TNS1: variants seen among roughly 807,000 people sequenced by gnomAD.
TNS1 encodes tensin-1.
In TNS1, 62 loss-of-function variants were observed where a neutral mutation model predicts 168.6. The observed-to-expected ratio is 0.37, with a 90% CI of 0.30 to 0.45. The LOEUF (loss-of-function observed/expected upper bound fraction) is 0.45, where lower values mean the gene tolerates loss of function less well. TNS1 is among the 20% of genes least tolerant of loss of function. TNS1 has a pLI of 1.00. For synonymous variants in TNS1, 934 were observed against 933.2 expected, an observed-to-expected ratio of 1.00 and a Z score of -0.02; for missense variants, 2,240 against 2,339.4, an observed-to-expected ratio of 0.96 and a Z score of 0.88.
chr2:218,015,434 T>C (rs1179665948), intron 1 of TNS1, among the ~76,000 whole-genome samples: 1 of 152,086 alleles, frequency 6.6e-6, no homozygotes, highest in Non-Finnish European at 1.5e-5. Context: ...GTTCTCTTTG[T>C]CCCCTTCACC....
chr2:217,968,167 G>GA (rs1302311806), intron 3 of TNS1, among the ~76,000 whole-genome samples: 1 of 152,228 alleles, frequency 6.6e-6, no homozygotes, highest in Non-Finnish European at 1.5e-5. Flanking sequence ...GGGCATCTGT[G>GA]AAAAATCCAC....
chr2:217,843,367 C>T (rs1334934456), intron 19 of TNS1, among the ~76,000 whole-genome samples: 1 of 151,950 alleles, frequency 6.6e-6, no homozygotes, highest in Non-Finnish European at 1.5e-5. Context: ...CCCCCCATGT[C>T]CAACCTACTC....
chr2:217,886,208 G>T, intron 13 of TNS1, 104 bp from the exon 14 acceptor site: 1 of 1,239,402 alleles, frequency 8.1e-7, no homozygotes. Flanking sequence ...GAAGAAATGG[G>T]GGAAGACGGG....
intron 10 of TNS1, 27 bp downstream of exon 10, chr2:217,893,412 A>ACACACACACC: frequency 6.3e-7 from 1 of 1,577,914 alleles, no homozygotes. Context: ...ACACACACAC[A>ACACACACACC]CACACACACA....
At chr2:217,843,409 A>T (rs1351689969) in intron 19 of TNS1, among the ~76,000 whole-genome samples, 1 of 150,972 alleles carries the variant, frequency 6.6e-6, no homozygotes, top group African/African-American at 2.4e-5. Context: ...CATTCTCATG[A>T]CTCTTATATT....
intron 18 of TNS1, among the ~76,000 whole-genome samples, chr2:217,864,684 C>A (rs1004082852): frequency 1.3e-5 from 2 of 152,208 alleles, no homozygotes; most frequent in Non-Finnish European, 2.9e-5. Context: ...ATGCATTTAT[C>A]CTCACAATGC....
intron 3 of TNS1, among the ~76,000 whole-genome samples, chr2:217,932,903 C>T (rs965164384): frequency 1.4e-4 from 21 of 152,170 alleles, no homozygotes; most frequent in Non-Finnish European, 2.8e-4. Flanking sequence ...ACAATTAGCG[C>T]GCATCGGGGA....
intron 22 of TNS1, among the ~76,000 whole-genome samples, chr2:217,829,283 G>T (rs112906382): frequency 6.6e-6 from 1 of 152,200 alleles, no homozygotes; most frequent in African/African-American, 2.4e-5. Flanking sequence ...TACTCAGGGG[G>T]CTGAGGCAGG....
intron 9 of TNS1, among the ~76,000 whole-genome samples, chr2:217,894,207 C>T (rs1421256625): frequency 2.0e-5 from 3 of 152,290 alleles, no homozygotes; most frequent in African/African-American, 7.2e-5. Flanking sequence ...ATAGAGCACA[C>T]CTAATCCAGC....
intron 4 of TNS1, among the ~76,000 whole-genome samples, chr2:217,917,802 G>A (rs1955202816): frequency 1.4e-5 from 2 of 138,252 alleles, no homozygotes; most frequent in Admixed American, 8.1e-5. Context: ...CTGCACTCCA[G>A]CCTGGGCAAC....
chr2:217,929,421 C>T (rs2125896031), intron 3 of TNS1, among the ~76,000 whole-genome samples: 1 of 152,292 alleles, frequency 6.6e-6, no homozygotes, highest in South Asian at 2.1e-4. Flanking sequence ...CACTGAGTAC[C>T]TATGGAGTGC....
At chr2:217,805,252 A>C (rs993845691) in intron 32 of TNS1, among the ~76,000 whole-genome samples, 7 of 151,842 alleles carry the variant, frequency 4.6e-5, no homozygotes, top group African/African-American at 1.7e-4. Flanking sequence ...AGAGAACAGA[A>C]TGTGAGCTCA....
intron 8 of TNS1, among the ~76,000 whole-genome samples, chr2:217,895,433 C>T (rs1299493618): frequency 2.6e-5 from 4 of 152,194 alleles, no homozygotes; most frequent in Non-Finnish European, 2.9e-5. Flanking sequence ...GTTCCGTGAG[C>T]GGATGTCCCG....
intron 18 of TNS1, among the ~76,000 whole-genome samples, chr2:217,878,852 C>T (rs1000210965): frequency 3.3e-5 from 5 of 152,226 alleles, no homozygotes; most frequent in Non-Finnish European, 5.9e-5. Context: ...ATGAAGGCCG[C>T]TATAGGCAGG....
Position 217,818,728 on chromosome 2 carries a change from T to C in TNS1, c.3604A>G (p.Ser1202Gly), listed in dbSNP as rs761552215. ...TSVGSFPSGE[S>G]SDQGPRTPTQ... ...GGCGTCCGGGGACCCTGGTCACTGC[T>C]CTCTCCCGACGGGAAACTCCCCACT... The change falls in exon 24 of 33, where the codon AGC (serine) becomes GGC (glycine). Residue 1202 changes from serine to glycine, a missense_variant. Physicochemically the swap from Ser to Gly is moderately conservative, Grantham distance 56. This residue lies in a region of TNS1 where 2,131 missense variants were observed against 2,171.2 expected (regional missense o/e 0.98). Transcript: ENST00000682258. 4 of 1,613,350 alleles carry C rather than the reference T, an allele frequency of 2.5e-6. No individual in the cohort carries two copies. The highest frequency in any genetic ancestry group is 3.4e-6 in the Non-Finnish European group (4 of 1,179,734).
At chr2:217,810,653 C>A (rs1257134160) in intron 28 of TNS1, among the ~76,000 whole-genome samples, 1 of 152,210 alleles carries the variant, frequency 6.6e-6, no homozygotes, top group Non-Finnish European at 1.5e-5. Flanking sequence ...CAGTGCTTAA[C>A]ATAAAGCAAG....
chr2:217,979,189 C>G (rs1326686104), intron 2 of TNS1, among the ~76,000 whole-genome samples: 1 of 152,174 alleles, frequency 6.6e-6, no homozygotes, highest in African/African-American at 2.4e-5. Flanking sequence ...TACACACACA[C>G]CAGGCAGGCA....
chr2:217,902,763 G>A (rs932277340), intron 6 of TNS1, among the ~76,000 whole-genome samples: 4 of 152,206 alleles, frequency 2.6e-5, no homozygotes, highest in Non-Finnish European at 5.9e-5. Flanking sequence ...AGCCACCCTG[G>A]ACAGTGACCC....
At chr2:217,919,003 A>AG (rs11432503) in intron 4 of TNS1, among the ~76,000 whole-genome samples, 152,096 of 152,218 alleles carry the variant, frequency 1, 75,987 homozygotes, top group Middle Eastern at 1. Flanking sequence ...CAACCCCAGC[A>AG]GGCCTGAGCC....
Sources: gnomAD v4.1 joint callset for allele counts (sites outside exome capture counted in the v4.1 genomes callset) on GRCh38, gnomAD v4.1.1 for gene constraint, gnomAD v4.1.1 regional missense constraint, MANE v1.5 for transcripts, NCBI Gene and HGNC (gene_info 2026-07-23, HGNC 2026-07-21) for gene names.